The following DPF3 variants were observed in gnomAD, a reference collection of about 807,000 sequenced individuals.
DPF3 encodes double PHD fingers 3.
DPF3 carries 18 observed loss-of-function variants against 56.8 expected under a neutral mutation model. The observed-to-expected ratio is 0.32, with a 90% CI of 0.22 to 0.47. The LOEUF (loss-of-function observed/expected upper bound fraction) is 0.47, where lower values mean the gene tolerates loss of function less well. Among genes scored for constraint, DPF3 ranks in the 20% least tolerant of loss-of-function variants. The probability of loss-of-function intolerance (pLI) is 1.00; values close to 1 mark genes in which losing one functional copy is unlikely to be tolerated. For synonymous variants in DPF3, 188 were observed against 180.2 expected, an observed-to-expected ratio of 1.04 and a Z score of -0.35; for missense variants, 403 against 488.8, an observed-to-expected ratio of 0.82 and a Z score of 1.65.
chr14:72,727,127 T>G (rs527767133), intron 4 of DPF3, among the ~76,000 whole-genome samples: 2 of 151,870 alleles, frequency 1.3e-5, no homozygotes, highest in South Asian at 4.1e-4. Flanking sequence ...CTTTTTTCCC[T>G]GGCACAATAC....
In DPF3 at chr14:72,718,715, G is replaced by A. The variant is rs946219715; in HGVS notation, c.526-4214C>T. 2.0e-5 allele frequency among the ~76,000 whole-genome samples: 3 copies of A among 149,526 alleles called. No individual in the cohort carries two copies. In the East Asian group the frequency reaches 5.9e-4, roughly 29 times the overall value. On this transcript the variant is annotated intron_variant, in intron 5 of 10. Transcript: ENST00000556509. ...GAATAACAGCCTTTGGGGGCTCTCA[G>A]TGTAAGGAATTCCTGAGATCAAAAA...
intron 1 of DPF3, among the ~76,000 whole-genome samples, chr14:72,861,024 TATAC>T (rs1387961667): frequency 8.6e-6 from 1 of 116,142 alleles, no homozygotes; most frequent in Non-Finnish European, 1.7e-5. Context: ...CTGTTCTCAC[TATAC>T]ACACACACAC....
At chr14:72,694,063 T>C (rs1438175891) in intron 6 of DPF3, among the ~76,000 whole-genome samples, 4 of 152,182 alleles carry the variant, frequency 2.6e-5, no homozygotes, top group African/African-American at 9.7e-5. Flanking sequence ...AATCGAAATG[T>C]GCCTTCTTGG....
At chr14:72,722,068 T>C (rs1889196827) in intron 5 of DPF3, among the ~76,000 whole-genome samples, 1 of 152,138 alleles carries the variant, frequency 6.6e-6, no homozygotes, top group Non-Finnish European at 1.5e-5. Flanking sequence ...AGGGACTAGA[T>C]AGTAGGTATT....
chr14:72,771,959 ACC>A, intron 1 of DPF3, 66 bp from the exon 2 acceptor site: 1 of 1,382,762 alleles, frequency 7.2e-7, no homozygotes, highest in Non-Finnish European at 9.4e-7. Flanking sequence ...AGGGAAACAC[ACC>A]CAGAGGGAAA....
At chr14:72,827,488 CTTTTTTTTTTTTTTTT>C (rs1182260007) in intron 1 of DPF3, among the ~76,000 whole-genome samples, 55 of 78,322 alleles carry the variant, frequency 7.0e-4, no homozygotes, top group African/African-American at 2.5e-3. Flanking sequence ...TCCCTTTACT[CTTTTTTTTTTTTTTTT>C]TTTTTTTTTT....
At chr14:72,880,579 C>T (rs762928166) in intron 1 of DPF3, among the ~76,000 whole-genome samples, 6 of 152,180 alleles carry the variant, frequency 3.9e-5, no homozygotes, top group Non-Finnish European at 8.8e-5. Flanking sequence ...TTTTTTCAGA[C>T]ACGGTCTCAC....
At chr14:72,853,541 C>A (rs1435611096) in intron 1 of DPF3, among the ~76,000 whole-genome samples, 1 of 133,778 alleles carries the variant, frequency 7.5e-6, no homozygotes, top group East Asian at 2.3e-4. Flanking sequence ...GTGGCACGAT[C>A]TTGGCTCAAC....
intron 1 of DPF3, among the ~76,000 whole-genome samples, chr14:72,871,559 A>C (rs1214852291): frequency 6.6e-6 from 1 of 152,252 alleles, no homozygotes; most frequent in Non-Finnish European, 1.5e-5. Context: ...CTTTGACTCC[A>C]GGTCTCACAT....
At chr14:72,845,558 G>A (rs886712639) in intron 1 of DPF3, among the ~76,000 whole-genome samples, 4 of 152,130 alleles carry the variant, frequency 2.6e-5, no homozygotes, top group African/African-American at 7.2e-5. Context: ...CTTCTCCCAC[G>A]TCTGTCCCAT....
chr14:72,792,728 G>A (rs1001847352), intron 1 of DPF3, among the ~76,000 whole-genome samples: 1 of 151,962 alleles, frequency 6.6e-6, no homozygotes, highest in African/African-American at 2.4e-5. Context: ...GCTGTGTCTC[G>A]ATGGAGCCAG....
At chr14:72,656,994 A>C (rs1886079569) in intron 8 of DPF3, among the ~76,000 whole-genome samples, 1 of 152,234 alleles carries the variant, frequency 6.6e-6, no homozygotes, top group Non-Finnish European at 1.5e-5. Flanking sequence ...TGGCATCAGT[A>C]ATCTTCTCCA....
At chr14:72,853,009 C>G (rs1885038222) in intron 1 of DPF3, among the ~76,000 whole-genome samples, 1 of 133,680 alleles carries the variant, frequency 7.5e-6, no homozygotes, top group Non-Finnish European at 1.6e-5. Flanking sequence ...ATTAAACTAC[C>G]AACAACTATT....
intron 1 of DPF3, among the ~76,000 whole-genome samples, chr14:72,785,496 G>A (rs554336588): frequency 5.9e-5 from 9 of 152,224 alleles, no homozygotes; most frequent in African/African-American, 2.2e-4. Flanking sequence ...TTACAAGGGC[G>A]CCATTACCCC....
intron 1 of DPF3, among the ~76,000 whole-genome samples, chr14:72,884,953 T>TATATATATATATATATATGTATATAC (rs1316175906): frequency 1.4e-5 from 1 of 73,780 alleles, no homozygotes; most frequent in Non-Finnish European, 2.9e-5. Context: ...TATATATATA[T>TATATATATATATATATATGTATATAC]ATATATATAT....
intron 2 of DPF3, among the ~76,000 whole-genome samples, chr14:72,765,409 T>G (rs1446011044): frequency 6.6e-6 from 1 of 152,160 alleles, no homozygotes; most frequent in Non-Finnish European, 1.5e-5. Context: ...GTAGTTAACC[T>G]CTCAAGGAGA....
chr14:72,664,433 T>C (rs1459100783), intron 8 of DPF3, among the ~76,000 whole-genome samples: 1 of 152,158 alleles, frequency 6.6e-6, no homozygotes, highest in African/African-American at 2.4e-5. Flanking sequence ...ATTTTCTCTT[T>C]TGTTTCCTCT....
intron 6 of DPF3, among the ~76,000 whole-genome samples, chr14:72,710,148 G>A (rs1422836679): frequency 1.3e-5 from 2 of 152,192 alleles, no homozygotes; most frequent in Non-Finnish European, 2.9e-5. Flanking sequence ...TCGGGCTTGG[G>A]AGCAATTAGG....
At chr14:72,809,716 C>A (rs1432453797) in intron 1 of DPF3, among the ~76,000 whole-genome samples, 3 of 152,322 alleles carry the variant, frequency 2.0e-5, no homozygotes, top group South Asian at 4.1e-4. Flanking sequence ...CCACCCCAAT[C>A]TCTTATGATT....
Sources: allele counts gnomAD v4.1 joint callset (sites outside exome capture counted in the v4.1 genomes callset), GRCh38; gene constraint gnomAD v4.1.1; transcripts MANE v1.5; gene names NCBI Gene and HGNC (gene_info 2026-07-23, HGNC 2026-07-21).